The following MINDY2 variants were observed in gnomAD, a reference collection of about 807,000 sequenced individuals.
The protein encoded by MINDY2 is ubiquitin carboxyl-terminal hydrolase MINDY-2.
MINDY2 carries 52 observed loss-of-function variants against 68.2 expected under a neutral mutation model. The ratio of observed to expected loss-of-function variants is 0.76; its 90% CI spans 0.61 to 0.96. The LOEUF (loss-of-function observed/expected upper bound fraction) is 0.96, where lower values mean the gene tolerates loss of function less well. Among genes scored for constraint, MINDY2 ranks in the 40% least tolerant of loss-of-function variants. The pLI, the probability that MINDY2 is intolerant of heterozygous loss-of-function variation, is 0.00. For synonymous variants in MINDY2, 372 were observed against 303.0 expected, an observed-to-expected ratio of 1.23 and a Z score of -2.36; for missense variants, 881 against 773.4, an observed-to-expected ratio of 1.14 and a Z score of -1.65.
At position 58,795,178 on chromosome 15, in the gene MINDY2, A is replaced by AAAT. The variant is rs1567046211; in HGVS notation, c.899-7133_899-7132insTAA. Among the ~76,000 whole-genome samples the AAAT allele has an allele frequency of 3.5e-3, 529 of 150,010 alleles. 7 individuals carry two copies. The highest frequency in any genetic ancestry group is 0.012 in the African/African-American group (504 of 40,688). ...GCACCAGAGCGAGACTCGTCTCCAAAAAATAAATAAATAAATAAATAAATC... is the reference window on the plus strand; with the variant it reads ...GCACCAGAGCGAGACTCGTCTCCAAAAATAAATAAATAAATAAATAAATAAATC... On this transcript the variant is annotated intron_variant, in intron 2 of 8. Transcript: ENST00000559228.
chr15:58,803,956 AAAAAAAAAAAAAATAC>A (rs1435052988), intron 3 of MINDY2, among the ~76,000 whole-genome samples: 1 of 150,612 alleles, frequency 6.6e-6, no homozygotes, highest in African/African-American at 2.4e-5. Context: ...AAAAAAAAAA[AAAAAAAAAAAAAATAC>A]AAAAAATTAG....
chr15:58,819,438 A>G (rs2030916043), intron 4 of MINDY2, among the ~76,000 whole-genome samples: 1 of 152,148 alleles, frequency 6.6e-6, no homozygotes, highest in Non-Finnish European at 1.5e-5. Context: ...ACACAGTGAG[A>G]CCCAGATCAC....
intron 1 of MINDY2, 53 bp downstream of exon 1, chr15:58,772,288 G>T: frequency 6.3e-7 from 1 of 1,597,772 alleles, no homozygotes; most frequent in Non-Finnish European, 8.5e-7. Flanking sequence ...AGGAAAACGG[G>T]GTGAGGGAGC....
At position 58,854,540 on chromosome 15, in the gene MINDY2, G is replaced by A. The variant is rs1270725723; in HGVS notation, c.1796G>A (p.Arg599His). Residue 599 changes from arginine to histidine, a missense_variant, in exon 9 of 9, where the codon CGT becomes CAT. Coordinates refer to ENST00000559228, the MANE Select transcript of MINDY2 (RefSeq NM_001040450.3). ...GGAAGACAATCTGGGAATAGTGAAC[G>A]TAAACGGAAGGAACCACGAGAAAAA... ...SSGRQSGNSE[R>H]KRKEPREKDK... The A allele has an allele frequency of 3.7e-6, 6 of 1,613,632 alleles. No homozygotes were observed. The highest frequency in any genetic ancestry group is 1.1e-5 in the South Asian group (1 of 91,012).
chr15:58,822,346 C>T (rs915187546), intron 5 of MINDY2, among the ~76,000 whole-genome samples: 4 of 151,872 alleles, frequency 2.6e-5, no homozygotes, highest in Admixed American at 2.0e-4. Flanking sequence ...TAAAATCAGG[C>T]CTGGATTCTA....
chr15:58,789,922 C>A lies in MINDY2; in HGVS notation c.898+1959C>A, dbSNP rs192336678. On this transcript the variant is annotated intron_variant, in intron 2 of 8. Transcript: ENST00000559228. ...TGAGCCTCCCAAAGTGCTGGGATTG[C>A]AGGCGTGAGCCACCGTGCCTGGTTA... Among the ~76,000 whole-genome samples, 8 of 152,202 alleles carry A rather than the reference C, an allele frequency of 5.3e-5. No individual in the cohort carries two copies. The East Asian group carries it at 1.5e-3, about 29-fold the overall frequency.
intron 1 of MINDY2, among the ~76,000 whole-genome samples, chr15:58,781,833 C>CG (rs1567038508): frequency 1.3e-5 from 2 of 151,780 alleles, no homozygotes; most frequent in African/African-American, 4.8e-5. Flanking sequence ...ACCCAGGAGA[C>CG]GGAGTTTGCA....
At chr15:58,819,411 A>T (rs1048737805) in intron 4 of MINDY2, among the ~76,000 whole-genome samples, 8 of 152,188 alleles carry the variant, frequency 5.3e-5, no homozygotes. Context: ...TCACGCCACT[A>T]CATTCCAGCA....
At chr15:58,793,957 A>G (rs369777060) in intron 2 of MINDY2, among the ~76,000 whole-genome samples, 1 of 152,130 alleles carries the variant, frequency 6.6e-6, no homozygotes, top group Non-Finnish European at 1.5e-5. Context: ...GCATGGTGTT[A>G]TGTTTTCTCA....
chr15:58,804,271 C>T (rs1371550449), intron 3 of MINDY2, among the ~76,000 whole-genome samples: 10 of 152,164 alleles, frequency 6.6e-5, no homozygotes, highest in Non-Finnish European at 1.5e-4. Flanking sequence ...AATGAAATCT[C>T]ATCCCAGCTT....
At chr15:58,847,584 T>A in intron 7 of MINDY2, 114 bp downstream of exon 7, 2 of 827,912 alleles carry the variant, frequency 2.4e-6, no homozygotes, top group Non-Finnish European at 3.6e-6. Flanking sequence ...GCTTGTGAAA[T>A]TTTCCTGACA....
At chr15:58,775,119 TCTTA>T (rs1176457177) in intron 1 of MINDY2, among the ~76,000 whole-genome samples, 1 of 152,230 alleles carries the variant, frequency 6.6e-6, no homozygotes, top group Non-Finnish European at 1.5e-5. Flanking sequence ...ACTCTTACTC[TCTTA>T]CAAGTGTCCG....
chr15:58,791,585 C>G (rs148444322), intron 2 of MINDY2, among the ~76,000 whole-genome samples: 16 of 150,084 alleles, frequency 1.1e-4, no homozygotes, highest in African/African-American at 3.2e-4. Flanking sequence ...AGACTGCACT[C>G]TACCCTGGGC....
At chr15:58,816,748 G>A (rs2030713464) in intron 4 of MINDY2, among the ~76,000 whole-genome samples, 1 of 152,172 alleles carries the variant, frequency 6.6e-6, no homozygotes, top group South Asian at 2.1e-4. Context: ...AAATGAAACT[G>A]TTTCCTACAA....
At chr15:58,820,392 C>T (rs1035611035) in intron 4 of MINDY2, among the ~76,000 whole-genome samples, 4 of 150,364 alleles carry the variant, frequency 2.7e-5, no homozygotes, top group Admixed American at 6.7e-5. Flanking sequence ...TGCAGTGAGC[C>T]GAGGTCACAC....
chr15:58,840,331 C>CT lies in MINDY2; in HGVS notation c.1369-6964dup, dbSNP rs759724704. ...TGACTTCCTGTTGTTGGAAAGTCCT[C>CT]TTATCATTCCTAGTTTTGTGGTTTA... On this transcript the variant is annotated intron_variant, in intron 6 of 8. Transcript: ENST00000559228. 1.6e-3 allele frequency among the ~76,000 whole-genome samples: 247 copies of CT among 152,290 alleles called. 1 individual carries two copies. The highest frequency in any genetic ancestry group is 5.6e-3 in the African/African-American group (231 of 41,568).
intron 2 of MINDY2, among the ~76,000 whole-genome samples, chr15:58,797,007 A>G (rs1159658500): frequency 6.6e-6 from 1 of 152,164 alleles, no homozygotes; most frequent in African/African-American, 2.4e-5. Context: ...ATTGCCATAT[A>G]TCACCTAAAC....
At chr15:58,790,503 G>A (rs1901810977) in intron 2 of MINDY2, among the ~76,000 whole-genome samples, 1 of 152,114 alleles carries the variant, frequency 6.6e-6, no homozygotes, top group African/African-American at 2.4e-5. Context: ...GGAAGCTGTT[G>A]GAGGATTTTG....
intron 2 of MINDY2, among the ~76,000 whole-genome samples, chr15:58,789,005 C>A (rs562106743): frequency 6.6e-5 from 10 of 151,268 alleles, no homozygotes; most frequent in African/African-American, 4.9e-5. Context: ...GAGTGAGACT[C>A]CGTCTCAAAA....
Sources: allele counts gnomAD v4.1 joint callset (sites outside exome capture counted in the v4.1 genomes callset), GRCh38; gene constraint gnomAD v4.1.1; transcripts MANE v1.5; gene names NCBI Gene and HGNC (gene_info 2026-07-23, HGNC 2026-07-21).